LRRC9: variants seen among roughly 807,000 people sequenced by gnomAD.
LRRC9 encodes the protein leucine rich repeat containing 9, also known as leucine-rich repeat-containing protein 9.
LRRC9 carries 122 observed loss-of-function variants against 63.2 expected under a neutral mutation model. The ratio of observed to expected loss-of-function variants is 1.93; its 90% CI spans 1.67 to 2.24. LRRC9 has a LOEUF of 2.24. LRRC9 is among the 30% of genes most tolerant of loss of function. The pLI is 0.00. For synonymous variants in LRRC9, 366 were observed against 213.1 expected (o/e 1.72, Z -6.25); for missense variants, 1,071 against 627.7 (o/e 1.71, Z -7.55).
rs1449266411 is a variant in LRRC9, at chr14:59,998,984, T to C, written c.2404-117T>C. 1.9e-5 allele frequency: 9 copies of C among 482,006 alleles called. 1 individual carries two copies. In the South Asian group the frequency reaches 3.7e-4, roughly 20 times the overall value. The allele number at this position is 482,006 out of a possible 1,614,324, so 29.9% of individuals were successfully genotyped here. On this transcript the variant is annotated intron_variant, in intron 18 of 31. Coordinates refer to ENST00000445360, the Ensembl canonical transcript of LRRC9. ...AATAATTAAGCTTTTTTTAGGTATA[T>C]GTAATGAACAAGGAAATGTATGATT...
In LRRC9 at chr14:60,019,513, A is replaced by G. The variant is rs144798358; in HGVS notation, c.3566+253A>G. 9.5e-3 allele frequency among the ~76,000 whole-genome samples: 1,452 copies of G among 152,056 alleles called. 21 individuals are homozygous for G. The highest frequency in any genetic ancestry group is 0.014 in the Middle Eastern group (4 of 292). ...GTGAATAAAGGGAAAAAACCAAAAA[A>G]CAAACAAACAAAAGGCCTTGTACTG... On this transcript the variant is annotated intron_variant, in intron 26 of 31. Coordinates refer to ENST00000445360, the Ensembl canonical transcript of LRRC9.
chr14:59,965,920 A>AAAAAAAAAAAAAAATG (rs1274886982), intron 10 of LRRC9, among the ~76,000 whole-genome samples: 2 of 136,384 alleles, frequency 1.5e-5, no homozygotes, highest in Non-Finnish European at 3.1e-5. Context: ...AAAAAAAAAA[A>AAAAAAAAAAAAAAATG]GATACTGGTG....
At chr14:60,045,768 A>C (rs957013084) in intron 29 of LRRC9, among the ~76,000 whole-genome samples, 1 of 152,190 alleles carries the variant, frequency 6.6e-6, no homozygotes, top group Non-Finnish European at 1.5e-5. Context: ...AGAATGATTT[A>C]TATTCCTTGG....
chr14:60,029,259 A>G (rs771543534), intron 28 of LRRC9, among the ~76,000 whole-genome samples: 6 of 152,078 alleles, frequency 3.9e-5, no homozygotes, highest in South Asian at 4.1e-4. Flanking sequence ...AATAATTTCA[A>G]TGACACACAG....
intron 19 of LRRC9, among the ~76,000 whole-genome samples, chr14:60,001,335 G>A (rs1176224484): frequency 6.6e-6 from 1 of 151,972 alleles, no homozygotes. Context: ...AGCAAAAACT[G>A]AATCAACCCC....
intron 23 of LRRC9, among the ~76,000 whole-genome samples, chr14:60,015,698 T>A (rs995632698): frequency 2.6e-5 from 4 of 152,106 alleles, no homozygotes; most frequent in Non-Finnish European, 5.9e-5. Context: ...AGATAACTCA[T>A]TATTACTGGG....
At chr14:60,040,990 A>C (rs1892897741) in intron 29 of LRRC9, among the ~76,000 whole-genome samples, 1 of 151,920 alleles carries the variant, frequency 6.6e-6, no homozygotes, top group Non-Finnish European at 1.5e-5. Flanking sequence ...GTTTGTCTGA[A>C]AGGATTTTAT....
intron 13 of LRRC9, among the ~76,000 whole-genome samples, chr14:59,976,681 A>G (rs1357594853): frequency 6.6e-6 from 1 of 152,190 alleles, no homozygotes; most frequent in East Asian, 1.9e-4. Context: ...TTTACATTTT[A>G]TATCTTGTAC....
chr14:59,955,924 C>T (rs866274332), intron 8 of LRRC9, among the ~76,000 whole-genome samples: 7 of 152,060 alleles, frequency 4.6e-5, no homozygotes, highest in Admixed American at 3.3e-4. Context: ...AGCAGGTTGT[C>T]AATTTCCATA....
At chr14:60,059,170 T>C (rs1463799043) in intron 31 of LRRC9, 1 of 152,198 alleles carries the variant, frequency 6.6e-6, no homozygotes, top group Non-Finnish European at 1.5e-5. Context: ...TCACAGATAT[T>C]GAGTTTTTTA....
intron 27 of LRRC9, among the ~76,000 whole-genome samples, chr14:60,023,439 C>T (rs1891270114): frequency 6.6e-6 from 1 of 151,744 alleles, no homozygotes; most frequent in South Asian, 2.1e-4. Flanking sequence ...GCTTTGCAAG[C>T]AGGGGGAGGA....
chr14:59,961,063 T>G lies in LRRC9; in HGVS notation c.1211+18T>G, dbSNP rs1884305683. The G allele has an allele frequency of 1.6e-6, 1 of 612,002 alleles. No homozygotes were observed. The highest frequency in any genetic ancestry group is 2.9e-6 in the Non-Finnish European group (1 of 340,692). The allele number at this position is 612,002 out of a possible 1,614,324, so 37.9% of individuals were successfully genotyped here. A position where few individuals can be genotyped will look rare whatever the true frequency, so the allele number is the denominator to read the frequency against. ...GATGACTGGTAAATCTGTTAGAAATTTAGTATAGCTTTAAAAATAACTTAA... is the reference window on the plus strand; with the variant it reads ...GATGACTGGTAAATCTGTTAGAAATGTAGTATAGCTTTAAAAATAACTTAA... On this transcript the variant is annotated intron_variant, in intron 10 of 31. Transcript: ENST00000445360.
At chr14:59,976,199 T>A (rs919647779) in intron 13 of LRRC9, among the ~76,000 whole-genome samples, 6 of 152,178 alleles carry the variant, frequency 3.9e-5, no homozygotes, top group Admixed American at 3.3e-4. Context: ...TACATTATGG[T>A]GAGTTATATA....
chr14:59,996,926 AAAAT>A (rs1888858412), intron 17 of LRRC9, among the ~76,000 whole-genome samples: 1 of 152,194 alleles, frequency 6.6e-6, no homozygotes, highest in African/African-American at 2.4e-5. Flanking sequence ...GATCTATAGT[AAAAT>A]GTTTTTAAAA....
intron 29 of LRRC9, among the ~76,000 whole-genome samples, chr14:60,049,005 T>C (rs1192289693): frequency 1.3e-5 from 2 of 152,156 alleles, no homozygotes; most frequent in East Asian, 3.9e-4. Context: ...ATGTGGCTCA[T>C]CACATGCAAA....
intron 23 of LRRC9, among the ~76,000 whole-genome samples, chr14:60,008,891 CAAG>C: frequency 6.6e-6 from 1 of 152,144 alleles, no homozygotes; most frequent in Admixed American, 6.5e-5. Context: ...TGAGGTACTC[CAAG>C]AAGATTACTA....
intron 22 of LRRC9, among the ~76,000 whole-genome samples, 162 bp from the exon 23 acceptor site, chr14:60,007,930 A>T (rs1889948707): frequency 8.8e-6 from 1 of 113,504 alleles, no homozygotes; most frequent in Non-Finnish European, 1.8e-5. Flanking sequence ...ACAGCACGAG[A>T]CCATGTCTTT....
rs771145991 is a variant in LRRC9, at chr14:60,008,100, C to T, written c.3072C>T (p.Cys1024=). Residue 1024 remains cysteine (C), a synonymous_variant, in exon 23 of 32, where the codon TGC becomes TGT. Coordinates refer to ENST00000445360, the Ensembl canonical transcript of LRRC9. ...TGTATTTTATTACCTAGGGTTTATGCAACTTGGTCATTCTAGACATGTGTG... is the reference window on the plus strand; with the variant it reads ...TGTATTTTATTACCTAGGGTTTATGTAACTTGGTCATTCTAGACATGTGTG... 10 of 690,312 alleles carry T rather than the reference C, an allele frequency of 1.4e-5. No homozygotes were observed. The Admixed American group carries it at 1.9e-4, about 13-fold the overall frequency. 42.8% of individuals were successfully genotyped at this position (690,312 alleles called of 1,614,324 possible).
intron 23 of LRRC9, among the ~76,000 whole-genome samples, chr14:60,011,182 A>G (rs888055269): frequency 6.6e-5 from 10 of 152,220 alleles, no homozygotes; most frequent in African/African-American, 2.4e-4. Flanking sequence ...GGGAGGCCTC[A>G]CAATCATGGC....
Sources: gnomAD v4.1 joint callset for allele counts (sites outside exome capture counted in the v4.1 genomes callset) on GRCh38, gnomAD v4.1.1 for gene constraint, MANE v1.5 for transcripts, NCBI Gene and HGNC (gene_info 2026-07-23, HGNC 2026-07-21) for gene names.